AEBP2: variants seen among roughly 807,000 people sequenced by gnomAD.
AEBP2 encodes the protein zinc finger protein AEBP2.
Under a neutral mutation model 50.8 loss-of-function variants are expected in AEBP2, and 10 were observed. That is an observed-to-expected ratio of 0.20 (90% confidence interval 0.12 to 0.33). The LOEUF (loss-of-function observed/expected upper bound fraction) is 0.33. Ranked by LOEUF, AEBP2 falls within the 10% of genes least tolerant of loss-of-function variation. AEBP2 has a pLI of 1.00. For missense variants in AEBP2, 570 were observed against 688.0 expected (o/e 0.83, Z 1.92); for synonymous variants, 296 against 261.3 (o/e 1.13, Z -1.28).
intron 6 of AEBP2, 69 bp downstream of exon 6, chr12:19,512,534 A>C (rs946093153): frequency 1.0e-6 from 1 of 977,252 alleles, no homozygotes; most frequent in African/African-American, 1.7e-5. Flanking sequence ...CTTACACACA[A>C]AAATTATTTA....
At chr12:19,500,072 C>G (rs998266501) in intron 4 of AEBP2, 25 bp from the exon 5 acceptor site, 2 of 1,580,100 alleles carry the variant, frequency 1.3e-6, no homozygotes, top group South Asian at 2.4e-5. Context: ...TCTAAATATT[C>G]TTTACTTTTT....
intron 3 of AEBP2, among the ~76,000 whole-genome samples, chr12:19,480,579 T>C (rs933896066): frequency 2.6e-5 from 4 of 152,034 alleles, no homozygotes; most frequent in Non-Finnish European, 5.9e-5. Flanking sequence ...TATTCTTGGC[T>C]GATAATTATT....
chr12:19,482,741 T>G (rs1270429047), intron 3 of AEBP2, among the ~76,000 whole-genome samples: 1 of 152,172 alleles, frequency 6.6e-6, no homozygotes, highest in Non-Finnish European at 1.5e-5. Context: ...CAGACTCACT[T>G]TCATTAGGCG....
chr12:19,453,583 C>T (rs986165238), intron 1 of AEBP2, among the ~76,000 whole-genome samples: 7 of 151,936 alleles, frequency 4.6e-5, no homozygotes, highest in African/African-American at 1.2e-4. Flanking sequence ...GACACCATGC[C>T]CAGCTAATTT....
chr12:19,486,031 T>C (rs1948804579), intron 3 of AEBP2, among the ~76,000 whole-genome samples: 1 of 151,624 alleles, frequency 6.6e-6, no homozygotes, highest in African/African-American at 2.4e-5. Flanking sequence ...TTTAACAGTT[T>C]AATGATTTGT....
chr12:19,467,203 G>C (rs952499524), intron 2 of AEBP2, among the ~76,000 whole-genome samples: 1 of 142,500 alleles, frequency 7.0e-6, no homozygotes, highest in African/African-American at 2.4e-5. Flanking sequence ...ACCATGCCCA[G>C]ACCAATACAC....
chr12:19,518,536 A>G lies in AEBP2; in HGVS notation c.*419A>G. 1 of 1,287,822 alleles carries G rather than the reference A, an allele frequency of 7.8e-7. No homozygotes were observed. Among genetic ancestry groups the G allele is most frequent in the East Asian group, 2.9e-5 (1 of 34,188 alleles). The allele number at this position is 1,287,822 out of a possible 1,614,324, so 79.8% of individuals were successfully genotyped here. A position where few individuals can be genotyped will look rare whatever the true frequency, so the allele number is the denominator to read the frequency against. On this transcript the variant is annotated 3_prime_UTR_variant, in exon 8 of 8. Transcript: ENST00000266508. ...CCCTTACAAATACCAAAAGCACTGT[A>G]AGGATATTTGTCTTGACAGTGTTTA...
At chr12:19,439,318 C>T (rs1947895476), upstream of AEBP2, among the ~76,000 whole-genome samples, 2 of 150,860 alleles carry the variant, frequency 1.3e-5, no homozygotes, top group African/African-American at 2.4e-5. Context: ...TGTCCCTGGG[C>T]TTCGAAGCCC....
chr12:19,427,859 T>C (rs922890090), intron 1 of AEBP2, among the ~76,000 whole-genome samples: 7 of 151,880 alleles, frequency 4.6e-5, no homozygotes, highest in Non-Finnish European at 1.0e-4. Context: ...TTCTGGGAAT[T>C]AAAAAAAATC....
At chr12:19,454,819 C>T (rs1000021437) in intron 1 of AEBP2, among the ~76,000 whole-genome samples, 3 of 152,126 alleles carry the variant, frequency 2.0e-5, no homozygotes, top group African/African-American at 7.2e-5. Context: ...GGAGCTACAA[C>T]ACAAATGAAT....
intron 3 of AEBP2, among the ~76,000 whole-genome samples, chr12:19,485,542 A>T (rs1233335697): frequency 6.6e-6 from 1 of 151,852 alleles, no homozygotes; most frequent in Non-Finnish European, 1.5e-5. Context: ...CCCTGTCTGT[A>T]CAAAAAAAAT....
chr12:19,421,336 C>A (rs1357612512), intron 1 of AEBP2, among the ~76,000 whole-genome samples: 2 of 114,388 alleles, frequency 1.7e-5, no homozygotes, highest in Admixed American at 2.3e-4. Flanking sequence ...CAGAGCGAGA[C>A]TCTGTCTCAA....
upstream of AEBP2, among the ~76,000 whole-genome samples, chr12:19,435,280 A>ATTTTTTT (rs35017794): frequency 1.4e-5 from 2 of 142,902 alleles, no homozygotes; most frequent in Non-Finnish European, 1.5e-5. Context: ...TGACTGGCTA[A>ATTTTTTT]TTTTTTTTTT....
chr12:19,420,294 G>T (rs1351443579), intron 1 of AEBP2, among the ~76,000 whole-genome samples: 2 of 146,500 alleles, frequency 1.4e-5, no homozygotes, highest in Non-Finnish European at 3.0e-5. Flanking sequence ...CTCCCAAAGT[G>T]CTGGGATTAC....
intron 1 of AEBP2, chr12:19,456,881 C>G (rs1333202323): frequency 2.7e-6 from 4 of 1,483,448 alleles, no homozygotes; most frequent in Non-Finnish European, 3.8e-6. Context: ...TTGTAGACAT[C>G]CTGGAGAGGC....
chr12:19,442,961 C>G (rs1947989535), intron 1 of AEBP2, among the ~76,000 whole-genome samples: 1 of 152,148 alleles, frequency 6.6e-6, no homozygotes, highest in Non-Finnish European at 1.5e-5. Context: ...TTAAAGTGCT[C>G]TATAACATTT....
rs557788554 is a variant in AEBP2, at chr12:19,416,174, C to T, written c.-17+11958C>T. Among the ~76,000 whole-genome samples, 4 of 152,198 alleles carry T rather than the reference C, an allele frequency of 2.6e-5. 1 individual carries two copies. Among genetic ancestry groups the T allele is most frequent in the African/African-American group, 9.6e-5 (4 of 41,534 alleles). On this transcript the variant is annotated intron_variant, in intron 1 of 3. Transcript: ENST00000538425. ...TCCAGCTTTAGTGACAGAGTGAAAC[C>T]TTGTCTTTAAAAAACAAAAGAAAAC...
chr12:19,424,170 C>G (rs1176228212), intron 1 of AEBP2, among the ~76,000 whole-genome samples: 1 of 152,008 alleles, frequency 6.6e-6, no homozygotes, highest in Non-Finnish European at 1.5e-5. Flanking sequence ...AGCTATAGAT[C>G]ATTGAAATGA....
chr12:19,409,749 C>A (rs574768700), intron 1 of AEBP2, among the ~76,000 whole-genome samples: 1 of 152,146 alleles, frequency 6.6e-6, no homozygotes, highest in African/African-American at 2.4e-5. Context: ...TAGTGGAAGG[C>A]TTTTTTCATT....
Sources: allele counts gnomAD v4.1 joint callset (sites outside exome capture counted in the v4.1 genomes callset), GRCh38; gene constraint gnomAD v4.1.1; transcripts MANE v1.5; gene names NCBI Gene and HGNC (gene_info 2026-07-23, HGNC 2026-07-21).